ZSWIM5: variants seen among roughly 807,000 people sequenced by gnomAD.
The protein encoded by ZSWIM5 is zinc finger SWIM domain-containing protein 5.
A neutral mutation model predicts 119.6 loss-of-function variants in ZSWIM5; 55 were observed. That is an observed-to-expected ratio of 0.46 (90% CI 0.37 to 0.58). The LOEUF (loss-of-function observed/expected upper bound fraction) is 0.58. Among genes scored for constraint, ZSWIM5 ranks in the 20% least tolerant of loss-of-function variants. ZSWIM5 has a pLI of 0.00. For missense variants in ZSWIM5, 1,193 were observed against 1,512.8 expected (o/e 0.79, Z 3.51); for synonymous variants, 537 against 606.9 (o/e 0.88, Z 1.69).
intron 1 of ZSWIM5, among the ~76,000 whole-genome samples, chr1:45,152,343 C>T (rs553590094): frequency 1.2e-4 from 18 of 152,222 alleles, no homozygotes; most frequent in Admixed American, 2.6e-4. Context: ...GTAGTTTGGC[C>T]AAGGTGGTGG....
In ZSWIM5 at chr1:45,196,197, G is replaced by A. The variant is rs577566676; in HGVS notation, c.595+9559C>T. Among the ~76,000 whole-genome samples, 221 of 150,956 alleles carry A rather than the reference G, an allele frequency of 1.5e-3. 1 individual carries two copies. The highest frequency in any genetic ancestry group is 2.0e-3 in the Non-Finnish European group (136 of 67,710). On this transcript the variant is annotated intron_variant, in intron 1 of 13. Transcript: ENST00000359600. ...GCCAGGTGATCATTTTTCTACAACG[G>A]CATTTCTCAACCTCGGCTGCATATA... is the stretch of plus-strand genomic sequence containing the variant.
At chr1:45,050,640 A>T (rs1022553420) in intron 5 of ZSWIM5, among the ~76,000 whole-genome samples, 2 of 152,184 alleles carry the variant, frequency 1.3e-5, no homozygotes, top group Non-Finnish European at 2.9e-5. Flanking sequence ...TTTGCTGTAT[A>T]AAAATTTGAG....
Position 45,140,024 on chromosome 1 carries a change from TTTAAGG to T in ZSWIM5, c.596-51793_596-51788del, listed in dbSNP as rs1645717128. Among the ~76,000 whole-genome samples the T allele has an allele frequency of 3.3e-5, 5 of 152,166 alleles. No individual in the cohort carries two copies. In the South Asian group the frequency reaches 1.0e-3, roughly 31 times the overall value. Reference sequence around the variant, plus strand: ...TAAAAGAAAAACAATAACAATGTATTTTAAGGTTTACATTTTGTATAAAAGTAAAAT... The same window carrying T: ...TAAAAGAAAAACAATAACAATGTATTTTTACATTTTGTATAAAAGTAAAAT... On this transcript the variant is annotated intron_variant, in intron 1 of 13. Transcript: ENST00000359600.
intron 1 of ZSWIM5, among the ~76,000 whole-genome samples, chr1:45,144,365 A>G (rs1193709944): frequency 2.1e-5 from 3 of 143,906 alleles, no homozygotes; most frequent in East Asian, 2.0e-4. Flanking sequence ...TTGTCTCTAG[A>G]AAAAAAAAAA....
At chr1:45,180,174 C>G (rs1278103652) in intron 1 of ZSWIM5, among the ~76,000 whole-genome samples, 1 of 152,170 alleles carries the variant, frequency 6.6e-6, no homozygotes, top group South Asian at 2.1e-4. Context: ...AGTTCCCTTT[C>G]CTGGTCAAGG....
At chr1:45,163,382 A>G (rs1645877352) in intron 1 of ZSWIM5, among the ~76,000 whole-genome samples, 1 of 152,262 alleles carries the variant, frequency 6.6e-6, no homozygotes. Flanking sequence ...ACCAGGGCAG[A>G]AAAGCTGAAA....
At chr1:45,153,213 G>A (rs1645807843) in intron 1 of ZSWIM5, among the ~76,000 whole-genome samples, 1 of 151,846 alleles carries the variant, frequency 6.6e-6, no homozygotes. Context: ...AAGCAGCTTG[G>A]AGATTTCTCA....
chr1:45,086,993 C>T (rs1160798797), intron 2 of ZSWIM5, among the ~76,000 whole-genome samples: 1 of 150,842 alleles, frequency 6.6e-6, no homozygotes, highest in Non-Finnish European at 1.5e-5. Context: ...AAGCAATTCT[C>T]CCGCCTCAGC....
intron 1 of ZSWIM5, among the ~76,000 whole-genome samples, chr1:45,139,464 C>T (rs371028162): frequency 7.2e-6 from 1 of 138,564 alleles, no homozygotes; most frequent in Non-Finnish European, 1.6e-5. Context: ...CTCTCCCTCC[C>T]TCTCTCTCTC....
chr1:45,100,258 A>T (rs2149017151), intron 1 of ZSWIM5, among the ~76,000 whole-genome samples: 1 of 152,282 alleles, frequency 6.6e-6, no homozygotes, highest in East Asian at 1.9e-4. Flanking sequence ...CCAATAACAG[A>T]CAAACAGAGA....
chr1:45,131,672 C>A (rs1240407266), intron 1 of ZSWIM5, among the ~76,000 whole-genome samples: 1 of 147,544 alleles, frequency 6.8e-6, no homozygotes, highest in East Asian at 2.0e-4. Context: ...TTGCAGTGAG[C>A]CAAGACTGGG....
chr1:45,137,698 G>A (rs1420368945), intron 1 of ZSWIM5, among the ~76,000 whole-genome samples: 1 of 152,152 alleles, frequency 6.6e-6, no homozygotes, highest in African/African-American at 2.4e-5. Flanking sequence ...TAGCAAGGAG[G>A]ACATTATGAT....
chr1:45,043,183 G>T, intron 6 of ZSWIM5, 36 bp downstream of exon 6: 1 of 1,602,464 alleles, frequency 6.2e-7, no homozygotes, highest in South Asian at 1.1e-5. Context: ...TGAAGTGAGG[G>T]TGGCTCTAAA....
Position 45,168,482 on chromosome 1 carries a change from A to AAT in ZSWIM5, c.595+37272_595+37273dup, listed in dbSNP as rs200419192. Reference sequence around the variant, plus strand: ...GTACCCTAGAACTTAAAGTATAATAAATATATATATATTTTTTTTAAAAAA... The same window carrying AAT: ...GTACCCTAGAACTTAAAGTATAATAAATATATATATATATTTTTTTTAAAAAA... On this transcript the variant is annotated intron_variant, in intron 1 of 13. Transcript: ENST00000359600. Among the ~76,000 whole-genome samples, 331 of 150,364 alleles carry AAT rather than the reference A, an allele frequency of 2.2e-3. 1 individual carries two copies. Among genetic ancestry groups the AAT allele is most frequent in the African/African-American group, 7.0e-3 (283 of 40,694 alleles).
At chr1:45,050,998 T>C (rs1442485814) in intron 5 of ZSWIM5, 76 bp downstream of exon 5, 1 of 1,401,368 alleles carries the variant, frequency 7.1e-7, no homozygotes, top group Non-Finnish European at 9.6e-7. Flanking sequence ...GCTATCCAGC[T>C]ACCATTGTTC....
chr1:45,148,222 C>T (rs1645774745), intron 1 of ZSWIM5, among the ~76,000 whole-genome samples: 1 of 151,930 alleles, frequency 6.6e-6, no homozygotes, highest in Admixed American at 6.6e-5. Context: ...TATGCACAAA[C>T]CCATAAAGCC....
In ZSWIM5 at chr1:45,041,697, C is replaced by T. The variant is rs6667569; in HGVS notation, c.1610-1159G>A. On this transcript the variant is annotated intron_variant, in intron 6 of 13. Transcript: ENST00000359600. Reference sequence around the variant, plus strand: ...GATTACCGATGTGTGCCACCACACCCGGATAATTTCTAGTATTTTAAGTAG... The same window carrying T: ...GATTACCGATGTGTGCCACCACACCTGGATAATTTCTAGTATTTTAAGTAG... Among the ~76,000 whole-genome samples, 576 of 151,954 alleles carry T rather than the reference C, an allele frequency of 3.8e-3. 3 individuals carry two copies. Among genetic ancestry groups the T allele is most frequent in the African/African-American group, 0.013 (555 of 41,460 alleles).
intron 1 of ZSWIM5, among the ~76,000 whole-genome samples, chr1:45,095,481 G>A (rs1014246782): frequency 6.6e-6 from 1 of 152,070 alleles, no homozygotes; most frequent in Non-Finnish European, 1.5e-5. Context: ...TGCAAACAAG[G>A]TGCAGACATT....
At chr1:45,189,900 T>G (rs1646081030) in intron 1 of ZSWIM5, among the ~76,000 whole-genome samples, 1 of 152,214 alleles carries the variant, frequency 6.6e-6, no homozygotes, top group African/African-American at 2.4e-5. Flanking sequence ...TAGAGGACAT[T>G]TAGCATCTAA....
Sources: allele counts gnomAD v4.1 joint callset (sites outside exome capture counted in the v4.1 genomes callset), GRCh38; gene constraint gnomAD v4.1.1; transcripts MANE v1.5; gene names NCBI Gene and HGNC (gene_info 2026-07-23, HGNC 2026-07-21).